The following KIAA0586 variants were observed in gnomAD, a reference collection of about 807,000 sequenced individuals.
KIAA0586 encodes protein TALPID3.
Under a neutral mutation model 169.8 loss-of-function variants are expected in KIAA0586, and 144 were observed. That is an observed-to-expected ratio of 0.85 (90% CI 0.74 to 0.97). The LOEUF is 0.97. Among genes scored for constraint, KIAA0586 ranks in the 50% least tolerant of loss-of-function variants. The pLI is 0.00. For missense variants in KIAA0586, 1,854 were observed against 1,823.0 expected (o/e 1.02, Z -0.31); for synonymous variants, 625 against 612.4 (o/e 1.02, Z -0.30).
intron 7 of KIAA0586, among the ~76,000 whole-genome samples, chr14:58,450,134 G>A (rs1297637227): frequency 6.6e-6 from 1 of 151,986 alleles, no homozygotes; most frequent in Non-Finnish European, 1.5e-5. Context: ...CAGTTTTTAG[G>A]TTTTCATCTT....
At chr14:58,427,607 G>C (rs1284568669), upstream of KIAA0586, 1 of 1,535,650 alleles carries the variant, frequency 6.5e-7, no homozygotes, top group Non-Finnish European at 8.7e-7. Flanking sequence ...GAGCACCAGA[G>C]AGCGCTTAGC....
chr14:58,448,302 G>T, intron 6 of KIAA0586, 38 bp from the exon 7 acceptor site: 2 of 1,262,554 alleles, frequency 1.6e-6, no homozygotes, highest in East Asian at 2.4e-5. Flanking sequence ...TCTTTCAAAT[G>T]ATATTTGAAA....
intron 14 of KIAA0586, among the ~76,000 whole-genome samples, chr14:58,462,672 T>A (rs2040424493): frequency 6.6e-6 from 1 of 152,208 alleles, no homozygotes; most frequent in African/African-American, 2.4e-5. Context: ...CTTTTAATGA[T>A]CAGAAGTGAT....
At chr14:58,474,460 A>C (rs1049055265) in intron 18 of KIAA0586, 147 bp from the exon 19 acceptor site, 2 of 538,442 alleles carry the variant, frequency 3.7e-6, no homozygotes, top group African/African-American at 2.0e-5. Context: ...TGTGTATATT[A>C]TAATTAATGT....
intron 4 of KIAA0586, among the ~76,000 whole-genome samples, chr14:58,435,459 C>A (rs890653753): frequency 6.6e-6 from 1 of 152,110 alleles, no homozygotes. Context: ...TTTATCATTT[C>A]TTTGTGTTAG....
At chr14:58,489,380 C>A (rs748168536) in intron 24 of KIAA0586, among the ~76,000 whole-genome samples, 1 of 151,830 alleles carries the variant, frequency 6.6e-6, no homozygotes, top group African/African-American at 2.4e-5. Flanking sequence ...CCACCACGCC[C>A]GGCTAACTTT....
chr14:58,512,756 A>G, intron 29 of KIAA0586, 129 bp downstream of exon 29: 1 of 556,128 alleles, frequency 1.8e-6, no homozygotes, highest in Middle Eastern at 3.3e-4. Context: ...GTTTTCTCTC[A>G]TTTAGTCCAT....
rs777898196 is a variant in KIAA0586, at chr14:58,461,067, C to T, written c.1966C>T (p.Arg656Ter). The change falls in exon 14 of 31, where the codon CGA becomes TGA. Residue 656 changes from arginine (R) to a stop codon, truncating the protein, a stop_gained. Transcript: ENST00000652326. LOFTEE classifies it high-confidence loss of function. Reference sequence around the variant, plus strand: ...TGGAAAGCCAGTTTATCAGGGCCATCGAAGCACTCTTAAAAAAGGACCATA... The same window carrying T: ...TGGAAAGCCAGTTTATCAGGGCCATTGAAGCACTCTTAAAAAAGGACCATA... ...VYGKPVYQGH[R>*]STLKKGPYLR... 5 of 1,611,658 alleles carry T rather than the reference C, an allele frequency of 3.1e-6. No individual in the cohort carries two copies. The highest frequency in any genetic ancestry group is 1.3e-5 in the African/African-American group (1 of 74,764).
At chr14:58,484,564 A>G (rs980489054) in intron 21 of KIAA0586, among the ~76,000 whole-genome samples, 1 of 151,896 alleles carries the variant, frequency 6.6e-6, no homozygotes. Flanking sequence ...TTTATTATCC[A>G]TTACCAATAC....
intron 6 of KIAA0586, among the ~76,000 whole-genome samples, chr14:58,446,160 G>A (rs369846440): frequency 6.1e-4 from 93 of 151,898 alleles, no homozygotes; most frequent in African/African-American, 2.2e-3. Context: ...GTGAGTAACC[G>A]CGCCTGGCCT....
At chr14:58,496,480 C>T (rs1391261490) in intron 26 of KIAA0586, among the ~76,000 whole-genome samples, 2 of 152,044 alleles carry the variant, frequency 1.3e-5, no homozygotes, top group South Asian at 2.1e-4. Flanking sequence ...ACATAATTGC[C>T]ATCATTCTAA....
Position 58,458,978 on chromosome 14 carries a change from C to A in KIAA0586, c.1656+433C>A, listed in dbSNP as rs917976612. ...AGATGGAAAAACAGCCTCTTTCTCACAACCACAATGGGCATGGTACATCTT... is the reference window on the plus strand; with the variant it reads ...AGATGGAAAAACAGCCTCTTTCTCAAAACCACAATGGGCATGGTACATCTT... On this transcript the variant is annotated intron_variant, in intron 12 of 30. Coordinates refer to ENST00000652326, the MANE Select transcript of KIAA0586 (RefSeq NM_001329943.3). Among the ~76,000 whole-genome samples the A allele has an allele frequency of 2.6e-5, 4 of 152,166 alleles. No homozygotes were observed. The South Asian group carries it at 8.3e-4, about 31-fold the overall frequency.
At chr14:58,556,628 TTTTG>T in the KIAA0586 span, among the ~76,000 whole-genome samples, 33 of 152,202 alleles carry the variant, frequency 2.2e-4, no homozygotes, top group African/African-American at 8.0e-4. Flanking sequence ...CATCAGTTAC[TTTTG>T]TTTATTTTTG....
intron 26 of KIAA0586, among the ~76,000 whole-genome samples, chr14:58,496,442 A>G (rs925908776): frequency 2.6e-5 from 4 of 152,238 alleles, no homozygotes; most frequent in Admixed American, 2.6e-4. Flanking sequence ...AGGCATTGTG[A>G]AATATTTCTC....
At chr14:58,547,044 G>A (rs936340849) in intron 30 of KIAA0586, among the ~76,000 whole-genome samples, 1 of 151,812 alleles carries the variant, frequency 6.6e-6, no homozygotes, top group Admixed American at 6.6e-5. Context: ...CATTATTAAT[G>A]ACATGCTCTT....
downstream of KIAA0586, among the ~76,000 whole-genome samples, chr14:58,553,515 G>T (rs2047229129): frequency 6.6e-6 from 1 of 151,014 alleles, no homozygotes; most frequent in Non-Finnish European, 1.5e-5. Context: ...TCATTTGATT[G>T]GGCATAACAA....
intron 16 of KIAA0586, among the ~76,000 whole-genome samples, chr14:58,470,136 T>TAA (rs1237083583): frequency 1.8e-4 from 27 of 151,788 alleles, no homozygotes; most frequent in Admixed American, 4.6e-4. Flanking sequence ...GATATATATA[T>TAA]AATAGTGGAA....
chr14:58,479,722 T>C (rs958172449), intron 20 of KIAA0586, among the ~76,000 whole-genome samples: 11 of 152,162 alleles, frequency 7.2e-5, no homozygotes, highest in Admixed American at 5.2e-4. Context: ...ATCAAGTTCT[T>C]TTTTGTTTGG....
Position 58,432,402 on chromosome 14 carries a change from A to T in KIAA0586, c.355A>T (p.Ile119Phe). ...NNKQKANDIF[I>F]SQYTMGQKDA... The stretch of plus-strand genomic sequence containing the variant: ...TGATTTTGCAGCAAATGACATCTTC[A>T]TTTCTCAGTATACAATGGGACAGAA... Residue 119 changes from isoleucine to phenylalanine, a missense_variant, in exon 4 of 31, where the codon ATT becomes TTT. Coordinates refer to ENST00000652326, the MANE Select transcript of KIAA0586 (RefSeq NM_001329943.3). The T allele has an allele frequency of 6.4e-7, 1 of 1,551,928 alleles. No homozygotes were observed. Among genetic ancestry groups the T allele is most frequent in the Non-Finnish European group, 8.7e-7 (1 of 1,149,912 alleles).
Sources: allele counts gnomAD v4.1 joint callset (sites outside exome capture counted in the v4.1 genomes callset), GRCh38; gene constraint gnomAD v4.1.1; transcripts MANE v1.5; gene names NCBI Gene and HGNC (gene_info 2026-07-23, HGNC 2026-07-21).